Variants in TMEM229B observed in about 807,000 individuals in gnomAD.
The protein encoded by TMEM229B is chromosome 14 open reading frame 83.
TMEM229B carries 6 observed loss-of-function variants against 13.7 expected under a neutral mutation model. The ratio of observed to expected loss-of-function variants is 0.44; its 90% CI spans 0.24 to 0.86. The LOEUF (loss-of-function observed/expected upper bound fraction) is 0.86. Ranked by LOEUF, TMEM229B falls within the 40% of genes least tolerant of loss-of-function variation. TMEM229B has a pLI of 0.23. For synonymous variants in TMEM229B, 107 were observed against 102.1 expected (o/e 1.05, Z -0.29); for missense variants, 170 against 236.0 (o/e 0.72, Z 1.83).
intron 1 of TMEM229B, among the ~76,000 whole-genome samples, chr14:67,508,526 G>A (rs1203701737): frequency 6.6e-6 from 1 of 151,864 alleles, no homozygotes; most frequent in Non-Finnish European, 1.5e-5. Flanking sequence ...TCTCCAAGAG[G>A]GGTCAGCTCA....
intron 2 of TMEM229B, among the ~76,000 whole-genome samples, chr14:67,481,019 T>C (rs1238407755): frequency 6.6e-6 from 1 of 151,954 alleles, no homozygotes; most frequent in Non-Finnish European, 1.5e-5. Flanking sequence ...GAAGAGAGGA[T>C]GGAGTTCATG....
rs2030876737 is a variant in TMEM229B at position 67,473,137 on chromosome 14, T to TG, written c.*282_*283insC. ...CTTCCAAAGTCAACTACATAGTCCA[T>TG]CGCTGCTCAGCCACAGGCCTCCTGG... On this transcript the variant is annotated 3_prime_UTR_variant, in exon 3 of 3. Coordinates refer to ENST00000554480, the MANE Select transcript of TMEM229B (RefSeq NM_001348543.2). This position sits in a 1 kb window ranked among gnomAD's most constrained non-coding sequence, Gnocchi z 6.5. 2.2e-6 allele frequency: 1 copy of TG among 454,668 alleles called. No individual in the cohort carries two copies. The highest frequency in any genetic ancestry group is 2.0e-5 in the African/African-American group (1 of 50,636). 28.2% of individuals were successfully genotyped at this position (454,668 alleles called of 1,614,324 possible).
At chr14:67,496,391 G>GTTGTT in intron 1 of TMEM229B, among the ~76,000 whole-genome samples, 1 of 30,106 alleles carries the variant, frequency 3.3e-5, no homozygotes, top group East Asian at 1.2e-3. Flanking sequence ...CTGCTCCGGC[G>GTTGTT]TTTTTTTTTT....
At chr14:67,509,991 CAG>C (rs1403672183) in intron 1 of TMEM229B, among the ~76,000 whole-genome samples, 3 of 151,092 alleles carry the variant, frequency 2.0e-5, no homozygotes, top group Non-Finnish European at 4.4e-5. Flanking sequence ...GCCTGAGCAA[CAG>C]AGAGAGAACC....
At position 67,473,184 on chromosome 14, in the gene TMEM229B, G is replaced by A. The variant is rs953228936; in HGVS notation, c.*236C>T. On this transcript the variant is annotated 3_prime_UTR_variant, in exon 3 of 3. Coordinates refer to ENST00000554480, the MANE Select transcript of TMEM229B (RefSeq NM_001348543.2). The surrounding 1 kb of genome is among the most constrained non-coding windows in gnomAD (Gnocchi z 6.5). ...CTGGTACCAACCCCTGAACTGGGCC[G>A]CGATCCATGGACCCTTCCCAATGTC... The A allele has an allele frequency of 5.4e-6, 3 of 558,324 alleles. No individual in the cohort carries two copies. Among genetic ancestry groups the A allele is most frequent in the East Asian group, 3.2e-5 (1 of 31,200 alleles). 34.6% of individuals were successfully genotyped at this position (558,324 alleles called of 1,614,324 possible).
At chr14:67,519,256 G>A (rs2033253509), upstream of TMEM229B, among the ~76,000 whole-genome samples, 2 of 152,202 alleles carry the variant, frequency 1.3e-5, no homozygotes, top group Admixed American at 1.3e-4. Context: ...GCTATCTTAA[G>A]TCTAAAAAAG....
chr14:67,503,982 G>T (rs970351299), intron 1 of TMEM229B, among the ~76,000 whole-genome samples: 2 of 150,718 alleles, frequency 1.3e-5, no homozygotes, highest in African/African-American at 4.9e-5. Context: ...GATTACAGGC[G>T]TGAGCCACTG....
At chr14:67,525,125 G>C (rs2033347415) in intron 1 of TMEM229B, among the ~76,000 whole-genome samples, 1 of 152,036 alleles carries the variant, frequency 6.6e-6, no homozygotes, top group Non-Finnish European at 1.5e-5. Flanking sequence ...ACATAATATA[G>C]AAAAGAACAA....
rs1436551923 is a variant in TMEM229B at position 67,472,528 on chromosome 14, G to C, written c.*892C>G. 4 of 152,430 alleles carry C rather than the reference G, an allele frequency of 2.6e-5. No homozygotes were observed. Among genetic ancestry groups the C allele is most frequent in the African/African-American group, 9.7e-5 (4 of 41,414 alleles). 9.4% of individuals were successfully genotyped at this position (152,430 alleles called of 1,614,324 possible). A position where few individuals can be genotyped will look rare whatever the true frequency, so the allele number is the denominator to read the frequency against. ...ACTGCCACAGCCCACTAGACCGGGG[G>C]TAGGGAGGTGTAACTCAGGAACTCC... is the stretch of plus-strand genomic sequence containing the variant. On this transcript the variant is annotated 3_prime_UTR_variant, in exon 3 of 3. Transcript: ENST00000554480.
intron 2 of TMEM229B, among the ~76,000 whole-genome samples, chr14:67,484,478 C>T (rs2031761050): frequency 6.6e-6 from 1 of 152,176 alleles, no homozygotes; most frequent in African/African-American, 2.4e-5. Flanking sequence ...GCAACATGTG[C>T]TCACAGCTGA....
chr14:67,522,737 C>T (rs2033309550), intron 1 of TMEM229B, among the ~76,000 whole-genome samples: 2 of 152,182 alleles, frequency 1.3e-5, no homozygotes, highest in South Asian at 4.1e-4. Flanking sequence ...CCATAGGAGC[C>T]GGCTGAGAGA....
upstream of TMEM229B, among the ~76,000 whole-genome samples, chr14:67,489,848 G>A (rs1361988668): frequency 6.6e-6 from 1 of 152,184 alleles, no homozygotes; most frequent in African/African-American, 2.4e-5. Flanking sequence ...AAATTAGCCA[G>A]GTGTGATGGT....
intron 1 of TMEM229B, among the ~76,000 whole-genome samples, chr14:67,502,227 A>G (rs1374757401): frequency 6.6e-6 from 1 of 151,876 alleles, no homozygotes; most frequent in African/African-American, 2.4e-5. Flanking sequence ...GCTACTCGGG[A>G]GGCTGAGGCA....
chr14:67,524,460 G>T (rs1435020726), intron 1 of TMEM229B, among the ~76,000 whole-genome samples: 1 of 152,186 alleles, frequency 6.6e-6, no homozygotes, highest in East Asian at 1.9e-4. Context: ...GGAGGAGTGA[G>T]AAGGGGTAGA....
At chr14:67,520,893 T>G (rs746722917) in intron 1 of TMEM229B, among the ~76,000 whole-genome samples, 6 of 152,246 alleles carry the variant, frequency 3.9e-5, no homozygotes, top group Non-Finnish European at 5.9e-5. Flanking sequence ...ATTTCCAAAC[T>G]GTCTTCCAAA....
At chr14:67,504,254 T>C (rs2032732288) in intron 1 of TMEM229B, among the ~76,000 whole-genome samples, 1 of 152,070 alleles carries the variant, frequency 6.6e-6, no homozygotes, top group African/African-American at 2.4e-5. Context: ...CCTCAAGTGA[T>C]GCGCTTACCT....
upstream of TMEM229B, among the ~76,000 whole-genome samples, chr14:67,489,350 G>A (rs1018592664): frequency 6.6e-6 from 1 of 152,162 alleles, no homozygotes; most frequent in African/African-American, 2.4e-5. Context: ...TCATCCTTAA[G>A]GCACATGTCT....
At chr14:67,477,733 A>G (rs116566220) in intron 2 of TMEM229B, among the ~76,000 whole-genome samples, 1,921 of 152,314 alleles carry the variant, frequency 0.013, 43 homozygotes, top group African/African-American at 0.044. Flanking sequence ...TGAATTCAAG[A>G]CTAGCCTAGA....
At chr14:67,481,424 G>T (rs997456704) in intron 2 of TMEM229B, among the ~76,000 whole-genome samples, 3 of 152,190 alleles carry the variant, frequency 2.0e-5, no homozygotes, top group Non-Finnish European at 4.4e-5. Context: ...GGCAATGTCA[G>T]ACAGTGTCCG....
Sources: allele counts gnomAD v4.1 joint callset (sites outside exome capture counted in the v4.1 genomes callset), GRCh38; gene constraint gnomAD v4.1.1; non-coding constraint Gnocchi (gnomAD v3.1); transcripts MANE v1.5; gene names NCBI Gene and HGNC (gene_info 2026-07-23, HGNC 2026-07-21).